The following CACNB2 variants were observed in gnomAD, a reference collection of about 807,000 sequenced individuals.
CACNB2 encodes voltage-dependent L-type calcium channel subunit beta-2.
In CACNB2, 42 loss-of-function variants were observed where a neutral mutation model predicts 73.3. The ratio of observed to expected loss-of-function variants is 0.57; its 90% CI spans 0.45 to 0.74. The LOEUF is 0.74. Ranked by LOEUF, CACNB2 falls within the 30% of genes least tolerant of loss-of-function variation. The pLI is 0.00. For synonymous variants in CACNB2, 348 were observed against 310.3 expected, an observed-to-expected ratio of 1.12 and a Z score of -1.28; for missense variants, 940 against 853.0, an observed-to-expected ratio of 1.10 and a Z score of -1.27.
intron 2 of CACNB2, among the ~76,000 whole-genome samples, chr10:18,211,218 A>G (rs1422687289): frequency 6.6e-6 from 1 of 152,216 alleles, no homozygotes; most frequent in Non-Finnish European, 1.5e-5. Context: ...GATGGAAAAG[A>G]GAAAGCCGGG....
At chr10:18,526,931 G>C (rs1433777961) in intron 9 of CACNB2, among the ~76,000 whole-genome samples, 1 of 152,030 alleles carries the variant, frequency 6.6e-6, no homozygotes, top group African/African-American at 2.4e-5. Context: ...CATACCCTTG[G>C]ATAAAAAATC....
rs2044462323 is a variant in CACNB2 at position 18,409,047 on chromosome 10, C to G, written c.333+7004C>G. Among the ~76,000 whole-genome samples the G allele has an allele frequency of 3.3e-5, 5 of 152,050 alleles. No homozygotes were observed. The South Asian group carries it at 1.0e-3, about 32-fold the overall frequency. ...TTTTTTAAAATTTTTTTTGTAATCT[C>G]AGCACTTTGGGAGGCCAAGGCAGAT... On this transcript the variant is annotated intron_variant, in intron 3 of 13. Coordinates refer to ENST00000324631, the MANE Select transcript of CACNB2 (RefSeq NM_201596.3).
At chr10:18,172,845 C>G (rs2033336611) in intron 2 of CACNB2, among the ~76,000 whole-genome samples, 1 of 150,864 alleles carries the variant, frequency 6.6e-6, no homozygotes, top group South Asian at 2.1e-4. Context: ...CTCCTGAACT[C>G]TTTAGTCATC....
chr10:18,463,361 TA>T (rs34004367), intron 3 of CACNB2, among the ~76,000 whole-genome samples: 33 of 147,484 alleles, frequency 2.2e-4, no homozygotes, highest in East Asian at 1.2e-3. Flanking sequence ...TCTTATCTAT[TA>T]AAAAAAAAAA....
At chr10:18,227,421 C>T (rs1446048443) in intron 2 of CACNB2, among the ~76,000 whole-genome samples, 1 of 152,112 alleles carries the variant, frequency 6.6e-6, no homozygotes, top group Non-Finnish European at 1.5e-5. Context: ...AAAAAAATAC[C>T]CCAGCTCGGA....
chr10:18,286,924 A>C (rs539201815), intron 2 of CACNB2, among the ~76,000 whole-genome samples: 1 of 152,208 alleles, frequency 6.6e-6, no homozygotes, highest in East Asian at 1.9e-4. Context: ...TCGACCCCAT[A>C]GGGTCCACGA....
chr10:18,199,992 G>C (rs1205005444), intron 2 of CACNB2, among the ~76,000 whole-genome samples: 1 of 96,952 alleles, frequency 1.0e-5, no homozygotes, highest in Non-Finnish European at 2.3e-5. Context: ...TGTCTGTATT[G>C]TTGTAAACAA....
chr10:18,480,326 A>G (rs938369412), intron 3 of CACNB2, among the ~76,000 whole-genome samples: 38 of 152,042 alleles, frequency 2.5e-4, no homozygotes, highest in Admixed American at 9.2e-4. Flanking sequence ...TTGGTTGTCA[A>G]CCTGGTTACT....
intron 2 of CACNB2, among the ~76,000 whole-genome samples, chr10:18,209,815 G>A (rs866650276): frequency 1.3e-5 from 2 of 152,020 alleles, no homozygotes; most frequent in South Asian, 4.1e-4. Context: ...CTCTGGACAG[G>A]TTTAATAGGA....
At chr10:18,482,644 G>A (rs969432481) in intron 3 of CACNB2, among the ~76,000 whole-genome samples, 3 of 152,078 alleles carry the variant, frequency 2.0e-5, no homozygotes, top group Non-Finnish European at 4.4e-5. Flanking sequence ...CTGGGTAGGT[G>A]GGAGTACTGG....
intron 3 of CACNB2, among the ~76,000 whole-genome samples, chr10:18,431,722 A>C (rs2045897715): frequency 6.6e-6 from 1 of 152,148 alleles, no homozygotes; most frequent in African/African-American, 2.4e-5. Context: ...ATAAGCATGG[A>C]TAAGCCCCAA....
chr10:18,164,959 A>G (rs2032745955), intron 2 of CACNB2, among the ~76,000 whole-genome samples: 1 of 152,076 alleles, frequency 6.6e-6, no homozygotes, highest in African/African-American at 2.4e-5. Flanking sequence ...TTTTTTCACC[A>G]ACATATGGAG....
Position 18,338,738 on chromosome 10 carries a change from CTTTTTTTTTTT to C in CACNB2, c.214-63176_214-63166del, listed in dbSNP as rs553402190. ...CCTTCCTGCCTTCTTTCCTTCTTTC[CTTTTTTTTTTT>C]TTTTTTTTTGAAAGAGGGTCTTGGC... On this transcript the variant is annotated intron_variant, in intron 2 of 13. Coordinates refer to ENST00000324631, the MANE Select transcript of CACNB2 (RefSeq NM_201596.3). 1.4e-4 allele frequency among the ~76,000 whole-genome samples: 14 copies of C among 102,446 alleles called. No individual in the cohort carries two copies. The South Asian group carries it at 1.4e-3, about 10-fold the overall frequency. 67.2% of individuals were successfully genotyped at this position (102,446 alleles called of 152,430 possible). A position where few individuals can be genotyped will look rare whatever the true frequency, so the allele number is the denominator to read the frequency against.
At chr10:18,171,840 A>T (rs749840921) in intron 2 of CACNB2, among the ~76,000 whole-genome samples, 34 of 152,136 alleles carry the variant, frequency 2.2e-4, no homozygotes, top group Non-Finnish European at 1.2e-4. Context: ...ATTAGTGGCA[A>T]TAACACACTT....
chr10:18,392,973 C>A (rs919973971), intron 2 of CACNB2, among the ~76,000 whole-genome samples: 2 of 152,072 alleles, frequency 1.3e-5, no homozygotes, highest in African/African-American at 2.4e-5. Context: ...CTTTGGGAGG[C>A]CGAGGCAGGT....
rs202153248 is a variant in CACNB2 at position 18,510,313 on chromosome 10, G to GT, written c.670+3775dup. Among the ~76,000 whole-genome samples, 819 of 151,138 alleles carry GT rather than the reference G, an allele frequency of 5.4e-3. 12 individuals carry two copies. Among genetic ancestry groups the GT allele is most frequent in the East Asian group, 0.036 (186 of 5,128 alleles). On this transcript the variant is annotated intron_variant, in intron 6 of 13. Coordinates refer to ENST00000324631, the MANE Select transcript of CACNB2 (RefSeq NM_201596.3). Reference sequence around the variant, plus strand: ...ATGTATACGTTTCCACTCTTTCTTTGTTTTTTTTTGAGATGGAGTCTCACT... The same window carrying GT: ...ATGTATACGTTTCCACTCTTTCTTTGTTTTTTTTTTGAGATGGAGTCTCACT...
At chr10:18,294,501 G>T (rs1435473142) in intron 2 of CACNB2, among the ~76,000 whole-genome samples, 2 of 152,204 alleles carry the variant, frequency 1.3e-5, no homozygotes, top group Non-Finnish European at 2.9e-5. Context: ...ACATTCTAGG[G>T]AAGGGAGAAA....
At chr10:18,362,306 T>G (rs569777276) in intron 2 of CACNB2, among the ~76,000 whole-genome samples, 2 of 152,228 alleles carry the variant, frequency 1.3e-5, no homozygotes, top group African/African-American at 4.8e-5. Flanking sequence ...ATGATGAATT[T>G]TGTTTCAGTT....
intron 5 of CACNB2, among the ~76,000 whole-genome samples, chr10:18,501,839 A>C (rs2050208539): frequency 6.6e-6 from 1 of 152,138 alleles, no homozygotes; most frequent in African/African-American, 2.4e-5. Flanking sequence ...GTGGTTTGGA[A>C]CACCCATCCT....
Sources: allele counts gnomAD v4.1 joint callset (sites outside exome capture counted in the v4.1 genomes callset), GRCh38; gene constraint gnomAD v4.1.1; transcripts MANE v1.5; gene names NCBI Gene and HGNC (gene_info 2026-07-23, HGNC 2026-07-21).